HDGF: variants seen among roughly 807,000 people sequenced by gnomAD.
HDGF encodes the protein heparin binding growth factor, also known as hepatoma-derived growth factor.
In HDGF, 5 loss-of-function variants were observed where a neutral mutation model predicts 30.0. That is an observed-to-expected ratio of 0.17 (90% CI 0.09 to 0.35). The LOEUF (loss-of-function observed/expected upper bound fraction) is 0.35, where lower values mean the gene tolerates loss of function less well. Ranked by LOEUF, HDGF falls within the 10% of genes least tolerant of loss-of-function variation. The pLI, the probability that HDGF is intolerant of heterozygous loss-of-function variation, is 1.00. For synonymous variants in HDGF, 133 were observed against 112.7 expected (o/e 1.18, Z -1.14); for missense variants, 214 against 302.8 (o/e 0.71, Z 2.18).
upstream of HDGF, among the ~76,000 whole-genome samples, chr1:156,754,541 C>T (rs948445744): frequency 6.6e-6 from 1 of 152,234 alleles, no homozygotes; most frequent in African/African-American, 2.4e-5. Context: ...TGCAGAAGGT[C>T]AGTTACACAG....
upstream of HDGF, among the ~76,000 whole-genome samples, chr1:156,753,133 C>T (rs1304170000): frequency 1.3e-5 from 2 of 152,182 alleles, no homozygotes; most frequent in Non-Finnish European, 2.9e-5. Flanking sequence ...TCCCAGAGTC[C>T]TGCATGACAC....
chr1:156,762,199 G>C (rs1298093212), intron 1 of HDGF, among the ~76,000 whole-genome samples: 1 of 150,252 alleles, frequency 6.7e-6, no homozygotes, highest in Non-Finnish European at 1.5e-5. Flanking sequence ...TCAATAAAAG[G>C]ATAAACAATA....
At chr1:156,767,287 G>A (rs12089610), upstream of HDGF, among the ~76,000 whole-genome samples, 4,386 of 152,202 alleles carry the variant, frequency 0.029, 210 homozygotes, top group African/African-American at 0.1. Context: ...GTGGTGACCG[G>A]TGGGGCTTGT....
intron 4 of HDGF, 25 bp from the exon 5 acceptor site, chr1:156,743,903 G>A (rs749574508): frequency 6.4e-7 from 1 of 1,573,770 alleles, no homozygotes; most frequent in South Asian, 1.1e-5. Context: ...CAGAGGAAGT[G>A]GGCTGAGGCT....
intron 1 of HDGF, among the ~76,000 whole-genome samples, chr1:156,765,405 T>TTTTCTTTCTTTCTTTC (rs61168651): frequency 1.3e-5 from 2 of 148,846 alleles, no homozygotes; most frequent in African/African-American, 5.0e-5. Context: ...CTTTATCCAT[T>TTTTCTTTCTTTCTTTC]TTTCTTTCTT....
At chr1:156,756,475 G>A (rs1311108411), upstream of HDGF, among the ~76,000 whole-genome samples, 1 of 152,186 alleles carries the variant, frequency 6.6e-6, no homozygotes, top group East Asian at 1.9e-4. Flanking sequence ...GATGGAGTTG[G>A]GAGTCAGCTT....
At chr1:156,749,895 C>T (rs912793920) in intron 1 of HDGF, among the ~76,000 whole-genome samples, 1 of 152,204 alleles carries the variant, frequency 6.6e-6, no homozygotes, top group African/African-American at 2.4e-5. Context: ...CCCACCAGGG[C>T]CTTGGCATCT....
chr1:156,752,462 A>T, upstream of HDGF: 1 of 1,137,150 alleles, frequency 8.8e-7, no homozygotes, highest in Non-Finnish European at 1.3e-6. Context: ...CGGTTACGGT[A>T]GAATGCCAAT....
In HDGF at chr1:156,751,435, G is replaced by A. The variant is rs370194235; in HGVS notation, c.-6C>T. On this transcript the variant is annotated 5_prime_UTR_variant, in exon 1 of 6. Coordinates refer to ENST00000357325, the MANE Select transcript of HDGF (RefSeq NM_004494.3). This position sits in a 1 kb window ranked among gnomAD's most constrained non-coding sequence, Gnocchi z 4.7. ...TGCCGGTTGGATCGCGACATGGCGG[G>A]GCTCCGGGCGCCCCGGGCTCCGCGC... 79 of 1,561,782 alleles carry A rather than the reference G, an allele frequency of 5.1e-5. No homozygotes were observed. The highest frequency in any genetic ancestry group is 6.5e-5 in the Non-Finnish European group (75 of 1,152,832).
upstream of HDGF, among the ~76,000 whole-genome samples, chr1:156,756,757 A>G (rs1262732538): frequency 6.6e-6 from 1 of 151,854 alleles, no homozygotes; most frequent in Non-Finnish European, 1.5e-5. Context: ...ATATAGATAC[A>G]ACACAATTAA....
rs897401266 is a variant in HDGF, at chr1:156,751,002, G to GC, written c.87+340dup. 2.6e-5 allele frequency among the ~76,000 whole-genome samples: 4 copies of GC among 151,838 alleles called. No homozygotes were observed. Among genetic ancestry groups the GC allele is most frequent in the Non-Finnish European group, 5.9e-5 (4 of 67,944 alleles). On this transcript the variant is annotated intron_variant, in intron 1 of 5. Coordinates refer to ENST00000357325, the MANE Select transcript of HDGF (RefSeq NM_004494.3). The surrounding 1 kb of genome is among the most constrained non-coding windows in gnomAD (Gnocchi z 4.7). Reference sequence around the variant, plus strand: ...GAAGGAATAACACGACTGGCCCAAAGCCAGACTTCGCGCTCGAAACCTCTG... The same window carrying GC: ...GAAGGAATAACACGACTGGCCCAAAGCCCAGACTTCGCGCTCGAAACCTCTG...
Position 156,743,384 on chromosome 1 carries a change from G to GT in HDGF, c.*64dup. On this transcript the variant is annotated 3_prime_UTR_variant, in exon 6 of 6. Coordinates refer to ENST00000357325, the MANE Select transcript of HDGF (RefSeq NM_004494.3). ...GTTCCCAGTTTGCAGGCCATGGCCAGTTTCCCCAGTAGCACCCAGACAGCA... is the reference window on the plus strand; with the variant it reads ...GTTCCCAGTTTGCAGGCCATGGCCAGTTTTCCCCAGTAGCACCCAGACAGCA... The GT allele has an allele frequency of 2.7e-6, 4 of 1,490,516 alleles. No homozygotes were observed. The highest frequency in any genetic ancestry group is 3.6e-6 in the Non-Finnish European group (4 of 1,116,604). 92.3% of individuals were successfully genotyped at this position (1,490,516 alleles called of 1,614,324 possible). A position where few individuals can be genotyped will look rare whatever the true frequency, so the allele number is the denominator to read the frequency against.
chr1:156,751,424 C>A lies in HDGF; in HGVS notation c.6G>T (p.Ser2=). The A allele has an allele frequency of 1.9e-6, 3 of 1,580,794 alleles. No individual in the cohort carries two copies. The highest frequency in any genetic ancestry group is 2.6e-6 in the Non-Finnish European group (3 of 1,163,174). Residue 2 remains serine, a synonymous_variant, in exon 1 of 6, where the codon TCG becomes TCT. Coordinates refer to ENST00000357325, the MANE Select transcript of HDGF (RefSeq NM_004494.3). This position sits in a 1 kb window ranked among gnomAD's most constrained non-coding sequence, Gnocchi z 4.7. M[S]RSNRQKEYKC... is the part of the protein sequence containing the mutation. Reference sequence around the variant, plus strand: ...TGTACTCCTTCTGCCGGTTGGATCGCGACATGGCGGGGCTCCGGGCGCCCC... The same window carrying A: ...TGTACTCCTTCTGCCGGTTGGATCGAGACATGGCGGGGCTCCGGGCGCCCC...
chr1:156,744,404 C>G, intron 3 of HDGF, 56 bp from the exon 4 acceptor site: 1 of 1,601,596 alleles, frequency 6.2e-7, no homozygotes, highest in East Asian at 2.2e-5. Context: ...GCTGGGCCCC[C>G]TCCCCAGACC....
intron 1 of HDGF, among the ~76,000 whole-genome samples, chr1:156,761,500 T>C (rs12239621): frequency 0.043 from 6,572 of 151,580 alleles, 181 homozygotes; most frequent in African/African-American, 0.069. Context: ...TCCCAGCTAC[T>C]TGGGAGGCTG....
rs529640500 is a variant in HDGF, at chr1:156,750,149, C to A, written c.87+1194G>T. On this transcript the variant is annotated intron_variant, in intron 1 of 5. Coordinates refer to ENST00000357325, the MANE Select transcript of HDGF (RefSeq NM_004494.3). ...GAGTGGCCCCAAAGTTGGCCTGATACCCTGAATAAGCCTGGGCCAGACAGA... is the reference window on the plus strand; with the variant it reads ...GAGTGGCCCCAAAGTTGGCCTGATAACCTGAATAAGCCTGGGCCAGACAGA... 8.5e-5 allele frequency among the ~76,000 whole-genome samples: 13 copies of A among 152,218 alleles called. No homozygotes were observed. In the East Asian group the frequency reaches 2.3e-3, roughly 27 times the overall value.
intron 1 of HDGF, among the ~76,000 whole-genome samples, chr1:156,765,081 G>A (rs1210266378): frequency 2.0e-5 from 3 of 150,530 alleles, no homozygotes; most frequent in African/African-American, 7.3e-5. Context: ...TACTTTATCC[G>A]CGCCCCCCCC....
chr1:156,764,750 G>A (rs1021044485), intron 1 of HDGF, among the ~76,000 whole-genome samples: 1 of 151,604 alleles, frequency 6.6e-6, no homozygotes, highest in Non-Finnish European at 1.5e-5. Context: ...GCTGGGCATG[G>A]CGGTGCACAC....
intron 2 of HDGF, among the ~76,000 whole-genome samples, chr1:156,758,612 T>TAAAAAAAAAA (rs1234235857): frequency 7.3e-5 from 8 of 109,958 alleles, no homozygotes; most frequent in Admixed American, 2.0e-4. Context: ...AATAAATAAA[T>TAAAAAAAAAA]AAATAAATAA....
Sources: allele counts gnomAD v4.1 joint callset (sites outside exome capture counted in the v4.1 genomes callset), GRCh38; gene constraint gnomAD v4.1.1; non-coding constraint Gnocchi (gnomAD v3.1); transcripts MANE v1.5; gene names NCBI Gene and HGNC (gene_info 2026-07-23, HGNC 2026-07-21).